CADM2: variants seen among roughly 807,000 people sequenced by gnomAD.
CADM2 encodes cell adhesion molecule 2.
CADM2 carries 12 observed loss-of-function variants against 49.8 expected under a neutral mutation model. The observed-to-expected ratio is 0.24, with a 90% CI of 0.15 to 0.39. The LOEUF (loss-of-function observed/expected upper bound fraction) is 0.39, where lower values mean the gene tolerates loss of function less well. Ranked by LOEUF, CADM2 falls within the 10% of genes least tolerant of loss-of-function variation. The pLI is 1.00. For missense variants in CADM2, 378 were observed against 492.3 expected (o/e 0.77, Z 2.20); for synonymous variants, 214 against 175.4 (o/e 1.22, Z -1.74).
At position 85,060,730 on chromosome 3, in the gene CADM2, T is replaced by A. The variant is rs561859909; in HGVS notation, c.61+101062T>A. The stretch of plus-strand genomic sequence containing the variant: ...TTCTCATTTTATGATGTAAGGATAT[T>A]TTATGGGTCTGGTGTGGTGGCTCAC... On this transcript the variant is annotated intron_variant, in intron 1 of 9. Coordinates refer to ENST00000383699, the MANE Select transcript of CADM2 (RefSeq NM_001167675.2). Among the ~76,000 whole-genome samples the A allele has an allele frequency of 6.9e-4, 105 of 152,210 alleles. 1 individual carries two copies. The highest frequency in any genetic ancestry group is 3.7e-3 in the South Asian group (18 of 4,818).
rs1252484847 is a variant in CADM2, at chr3:85,050,939, G to A, written c.61+91271G>A. Among the ~76,000 whole-genome samples, 5 of 152,234 alleles carry A rather than the reference G, an allele frequency of 3.3e-5. No homozygotes were observed. In the East Asian group the frequency reaches 9.7e-4, roughly 29 times the overall value. ...GGTTGCAGGGATGTACTCCTTTCTTGTGTCAGTTTAGACTTGGCATGAAGG... is the reference window on the plus strand; with the variant it reads ...GGTTGCAGGGATGTACTCCTTTCTTATGTCAGTTTAGACTTGGCATGAAGG... On this transcript the variant is annotated intron_variant, in intron 1 of 9. Transcript: ENST00000383699.
chr3:85,811,394 C>T (rs2072869021), intron 3 of CADM2, among the ~76,000 whole-genome samples: 1 of 152,128 alleles, frequency 6.6e-6, no homozygotes, highest in African/African-American at 2.4e-5. Context: ...TTTTATTCTA[C>T]CTTCTAATGA....
intron 1 of CADM2, among the ~76,000 whole-genome samples, chr3:84,982,737 A>ATATATATATT (rs1553663805): frequency 8.7e-6 from 1 of 115,380 alleles, no homozygotes; most frequent in Non-Finnish European, 1.7e-5. Context: ...ATATATATAC[A>ATATATATATT]TTTTTTGTTT....
chr3:86,056,475 C>T (rs1344530977), intron 8 of CADM2, among the ~76,000 whole-genome samples: 1 of 151,978 alleles, frequency 6.6e-6, no homozygotes. Flanking sequence ...TTATTTGTGC[C>T]CAGCACATTA....
At chr3:85,825,364 T>C (rs781284665) in intron 3 of CADM2, among the ~76,000 whole-genome samples, 42 of 152,200 alleles carry the variant, frequency 2.8e-4, no homozygotes, top group Non-Finnish European at 6.2e-4. Flanking sequence ...TTACTATCCC[T>C]AAGGCTGATA....
chr3:85,407,029 C>A lies in CADM2; in HGVS notation c.62-319493C>A, dbSNP rs1018197190. 4.6e-5 allele frequency among the ~76,000 whole-genome samples: 7 copies of A among 151,924 alleles called. 1 individual carries two copies. Among genetic ancestry groups the A allele is most frequent in the Non-Finnish European group, 7.4e-5 (5 of 67,984 alleles). The stretch of plus-strand genomic sequence containing the variant: ...TGGGCAGCATAGGGAGACCTTGTTC[C>A]TACAAAAAATAAAAATAAAAAAATT... On this transcript the variant is annotated intron_variant, in intron 1 of 9. Coordinates refer to ENST00000383699, the MANE Select transcript of CADM2 (RefSeq NM_001167675.2).
chr3:85,690,766 T>G (rs1447933871), intron 1 of CADM2, among the ~76,000 whole-genome samples: 1 of 152,204 alleles, frequency 6.6e-6, no homozygotes, highest in African/African-American at 2.4e-5. Context: ...TCTCTCCTTG[T>G]CTAGGAATTT....
At chr3:85,056,643 A>G (rs1311129426) in intron 1 of CADM2, among the ~76,000 whole-genome samples, 1 of 152,084 alleles carries the variant, frequency 6.6e-6, no homozygotes, top group Non-Finnish European at 1.5e-5. Flanking sequence ...TTTGCATTTA[A>G]TATCTCCACA....
At chr3:85,802,644 A>G (rs907683764) in intron 3 of CADM2, among the ~76,000 whole-genome samples, 4 of 152,258 alleles carry the variant, frequency 2.6e-5, no homozygotes, top group Admixed American at 2.6e-4. Context: ...AATTGTAAAA[A>G]TGATTCACAG....
At chr3:85,438,111 C>T (rs1312139867) in intron 1 of CADM2, among the ~76,000 whole-genome samples, 1 of 151,874 alleles carries the variant, frequency 6.6e-6, no homozygotes, top group African/African-American at 2.4e-5. Context: ...AAATAGATAA[C>T]TTTGAATTCT....
At chr3:85,637,456 G>T (rs2064533171) in intron 1 of CADM2, among the ~76,000 whole-genome samples, 1 of 147,778 alleles carries the variant, frequency 6.8e-6, no homozygotes, top group Non-Finnish European at 1.5e-5. Context: ...TAAAAAATTA[G>T]CTGGGCGCGG....
At chr3:85,946,413 G>C (rs2108572298) in intron 7 of CADM2, among the ~76,000 whole-genome samples, 1 of 152,012 alleles carries the variant, frequency 6.6e-6, no homozygotes, top group African/African-American at 2.4e-5. Context: ...TTTCTTCACA[G>C]AATTGGAAAA....
intron 7 of CADM2, among the ~76,000 whole-genome samples, chr3:85,944,234 T>C (rs1251073136): frequency 6.6e-6 from 1 of 152,084 alleles, no homozygotes; most frequent in Non-Finnish European, 1.5e-5. Context: ...ATCCTAAATA[T>C]ATATGCGCCC....
chr3:85,716,589 T>C (rs1321214664), intron 1 of CADM2, among the ~76,000 whole-genome samples: 4 of 152,228 alleles, frequency 2.6e-5, no homozygotes, highest in African/African-American at 7.2e-5. Context: ...CTTGCCTGAA[T>C]GTTATTGCCT....
At chr3:85,761,521 C>T (rs1482506706) in intron 2 of CADM2, among the ~76,000 whole-genome samples, 1 of 151,500 alleles carries the variant, frequency 6.6e-6, no homozygotes, top group African/African-American at 2.4e-5. Context: ...GGACTACAGG[C>T]GTGTGCCACC....
chr3:85,272,402 A>T (rs925022582), intron 1 of CADM2, among the ~76,000 whole-genome samples: 1 of 151,336 alleles, frequency 6.6e-6, no homozygotes, highest in Non-Finnish European at 1.5e-5. Flanking sequence ...AATCAAATTT[A>T]CTTCTTTTAT....
At chr3:85,510,192 A>G (rs2040549742) in intron 1 of CADM2, among the ~76,000 whole-genome samples, 1 of 152,068 alleles carries the variant, frequency 6.6e-6, no homozygotes, top group Non-Finnish European at 1.5e-5. Flanking sequence ...TCTCCTTTAT[A>G]AGGAGCTATG....
At chr3:85,897,516 G>A (rs1361899076) in intron 5 of CADM2, among the ~76,000 whole-genome samples, 2 of 150,862 alleles carry the variant, frequency 1.3e-5, no homozygotes, top group Non-Finnish European at 2.9e-5. Flanking sequence ...TGATCCACCC[G>A]CCTCGGCCTC....
intron 1 of CADM2, among the ~76,000 whole-genome samples, chr3:85,491,431 C>A (rs1330656029): frequency 6.6e-6 from 1 of 151,986 alleles, no homozygotes; most frequent in East Asian, 1.9e-4. Context: ...AAATTAATTT[C>A]CTTCATTTCG....
Sources: gnomAD v4.1 joint callset for allele counts (sites outside exome capture counted in the v4.1 genomes callset) on GRCh38, gnomAD v4.1.1 for gene constraint, MANE v1.5 for transcripts, NCBI Gene and HGNC (gene_info 2026-07-23, HGNC 2026-07-21) for gene names.